The following PTPRN2 variants were observed in gnomAD, a reference collection of about 807,000 sequenced individuals.
PTPRN2 encodes protein tyrosine phosphatase receptor type N2.
In PTPRN2, 74 loss-of-function variants were observed where a neutral mutation model predicts 118.8. The ratio of observed to expected loss-of-function variants is 0.62; its 90% CI spans 0.52 to 0.76. The LOEUF (loss-of-function observed/expected upper bound fraction) is 0.76, where lower values mean the gene tolerates loss of function less well. PTPRN2 is among the 30% of genes least tolerant of loss of function. The pLI is 0.00. For synonymous variants in PTPRN2, 641 were observed against 608.0 expected (o/e 1.05, Z -0.80); for missense variants, 1,481 against 1,394.4 (o/e 1.06, Z -0.99).
chr7:158,156,416 C>A (rs960857717), intron 6 of PTPRN2, among the ~76,000 whole-genome samples: 1 of 152,152 alleles, frequency 6.6e-6, no homozygotes, highest in Admixed American at 6.5e-5. Flanking sequence ...CGCAGCTCAC[C>A]GTGGACTGGG....
intron 2 of PTPRN2, among the ~76,000 whole-genome samples, chr7:158,318,612 C>G (rs1469887778): frequency 6.6e-6 from 1 of 152,254 alleles, no homozygotes; most frequent in Non-Finnish European, 1.5e-5. Context: ...CTCAGAAGCC[C>G]AGGGCTCCAC....
chr7:158,221,937 A>C (rs1828412202), intron 3 of PTPRN2, among the ~76,000 whole-genome samples: 1 of 152,226 alleles, frequency 6.6e-6, no homozygotes, highest in African/African-American at 2.4e-5. Flanking sequence ...ACACTTCTTA[A>C]AAGAAGACAT....
At position 158,555,203 on chromosome 7, in the gene PTPRN2, C is replaced by T. The variant is rs908080053; in HGVS notation, c.112+32355G>A. Among the ~76,000 whole-genome samples the T allele has an allele frequency of 1.3e-5, 2 of 152,352 alleles. No individual in the cohort carries two copies. The highest frequency in any genetic ancestry group is 4.1e-4 in the South Asian group (2 of 4,830). ...TCACCCCCGACGCAACCACCAACTC[C>T]GCCAGAGGAAATCACAAGTTTTCCA... On this transcript the variant is annotated intron_variant, in intron 1 of 22. Coordinates refer to ENST00000389418, the MANE Select transcript of PTPRN2 (RefSeq NM_002847.5). This position sits in a 1 kb window ranked among gnomAD's most constrained non-coding sequence, Gnocchi z 4.7.
At chr7:158,068,074 G>A (rs903828547) in intron 11 of PTPRN2, among the ~76,000 whole-genome samples, 2 of 152,230 alleles carry the variant, frequency 1.3e-5, no homozygotes, top group Non-Finnish European at 2.9e-5. Flanking sequence ...GGCTGGAGGA[G>A]AGCTGAGCCA....
At chr7:158,400,989 C>T (rs976183760) in intron 2 of PTPRN2, among the ~76,000 whole-genome samples, 4 of 152,138 alleles carry the variant, frequency 2.6e-5, no homozygotes, top group Admixed American at 6.5e-5. Context: ...TCCCCGACTG[C>T]GGTGGGCCCT....
chr7:157,731,397 A>G (rs1799892403), intron 12 of PTPRN2, among the ~76,000 whole-genome samples: 1 of 152,154 alleles, frequency 6.6e-6, no homozygotes, highest in Non-Finnish European at 1.5e-5. Flanking sequence ...TACAAAACCC[A>G]TGGACAGAAC....
intron 12 of PTPRN2, among the ~76,000 whole-genome samples, chr7:157,804,980 CT>C (rs1251200267): frequency 6.6e-6 from 1 of 152,202 alleles, no homozygotes; most frequent in African/African-American, 2.4e-5. Context: ...CTTGCTGCCC[CT>C]GAGCTCTCAG....
chr7:157,914,071 AC>A (rs939126879), intron 11 of PTPRN2, among the ~76,000 whole-genome samples: 15 of 152,202 alleles, frequency 9.9e-5, no homozygotes, highest in African/African-American at 3.4e-4. Flanking sequence ...GTTCATGATG[AC>A]CCCTTGTTAT....
chr7:158,247,243 C>G (rs1318191776), intron 3 of PTPRN2, among the ~76,000 whole-genome samples: 1 of 152,204 alleles, frequency 6.6e-6, no homozygotes, highest in African/African-American at 2.4e-5. Flanking sequence ...CTCTGAGACG[C>G]CCCCTGGCCA....
At chr7:158,249,411 C>G (rs950893013) in intron 3 of PTPRN2, among the ~76,000 whole-genome samples, 1 of 147,138 alleles carries the variant, frequency 6.8e-6, no homozygotes, top group Non-Finnish European at 1.5e-5. Context: ...CACGCACACA[C>G]CCTGCATGCA....
rs1001227449 is a variant in PTPRN2 at position 158,326,661 on chromosome 7, C to A, written c.164-9729G>T. Among the ~76,000 whole-genome samples, 119 of 150,772 alleles carry A rather than the reference C, an allele frequency of 7.9e-4. 2 individuals carry two copies. Among genetic ancestry groups the A allele is most frequent in the African/African-American group, 2.5e-3 (105 of 41,182 alleles). On this transcript the variant is annotated intron_variant, in intron 2 of 22. Transcript: ENST00000389418. ...ACACGTTTTCACACATGCTCACACTCTCACATGCACACACATGCACAGTCT... is the reference window on the plus strand; with the variant it reads ...ACACGTTTTCACACATGCTCACACTATCACATGCACACACATGCACAGTCT...
At chr7:157,841,621 C>A (rs1808428306) in intron 12 of PTPRN2, among the ~76,000 whole-genome samples, 1 of 152,214 alleles carries the variant, frequency 6.6e-6, no homozygotes, top group African/African-American at 2.4e-5. Flanking sequence ...AGGGCCCCCA[C>A]CACGGGGCCT....
At chr7:157,569,021 C>T (rs1162201031) in intron 20 of PTPRN2, 55 bp from the exon 21 acceptor site, 4 of 1,470,068 alleles carry the variant, frequency 2.7e-6, no homozygotes, top group Admixed American at 3.3e-5. Flanking sequence ...AAGCCCGACC[C>T]ACAACAAAGC....
chr7:157,639,661 C>T (rs796599111), intron 14 of PTPRN2, among the ~76,000 whole-genome samples: 45 of 152,356 alleles, frequency 3.0e-4, no homozygotes, highest in African/African-American at 1.0e-3. Flanking sequence ...GACAGGATTC[C>T]CTACATCTAA....
At chr7:158,086,019 G>A (rs1411974544) in intron 10 of PTPRN2, among the ~76,000 whole-genome samples, 1 of 152,198 alleles carries the variant, frequency 6.6e-6, no homozygotes. Context: ...GTAACCACGT[G>A]TCCCGGCCTC....
At position 157,788,893 on chromosome 7, in the gene PTPRN2, C is replaced by T. The variant is rs376500991; in HGVS notation, c.1789-105956G>A. Among the ~76,000 whole-genome samples, 441 of 152,364 alleles carry T rather than the reference C, an allele frequency of 2.9e-3. 14 individuals carry two copies. The South Asian group carries it at 0.067, about 23-fold the overall frequency. On this transcript the variant is annotated intron_variant, in intron 12 of 22. Coordinates refer to ENST00000389418, the MANE Select transcript of PTPRN2 (RefSeq NM_002847.5). Reference sequence around the variant, plus strand: ...CTATGCTGGAGGCCGCTGGAACCACCTCTCCAATGCTGGGGATAGCTCCCT... The same window carrying T: ...CTATGCTGGAGGCCGCTGGAACCACTTCTCCAATGCTGGGGATAGCTCCCT...
At chr7:158,082,154 G>A (rs1183357918) in intron 10 of PTPRN2, among the ~76,000 whole-genome samples, 1 of 152,108 alleles carries the variant, frequency 6.6e-6, no homozygotes, top group African/African-American at 2.4e-5. Flanking sequence ...GAAATGCGAA[G>A]AGGACCCAAT....
chr7:158,533,098 G>A (rs955291199), intron 1 of PTPRN2, among the ~76,000 whole-genome samples: 5 of 152,224 alleles, frequency 3.3e-5, no homozygotes, highest in Admixed American at 3.3e-4. Flanking sequence ...CAAAGAATTA[G>A]CTCACCTCCA....
At chr7:158,445,843 G>A (rs905204266) in intron 2 of PTPRN2, among the ~76,000 whole-genome samples, 2 of 152,232 alleles carry the variant, frequency 1.3e-5, no homozygotes, top group African/African-American at 4.8e-5. Flanking sequence ...ATCATCAGTG[G>A]ACACTGGCAA....
Sources: gnomAD v4.1 joint callset for allele counts (sites outside exome capture counted in the v4.1 genomes callset) on GRCh38, gnomAD v4.1.1 for gene constraint, Gnocchi (gnomAD v3.1) non-coding constraint, MANE v1.5 for transcripts, NCBI Gene and HGNC (gene_info 2026-07-23, HGNC 2026-07-21) for gene names.